MAGI1: variants seen among roughly 807,000 people sequenced by gnomAD.
MAGI1 encodes membrane-associated guanylate kinase, WW and PDZ domain-containing protein 1.
Under a neutral mutation model 139.9 loss-of-function variants are expected in MAGI1, and 58 were observed. The observed-to-expected ratio is 0.41, with a 90% CI of 0.34 to 0.52. MAGI1 has a LOEUF of 0.52. Among genes scored for constraint, MAGI1 ranks in the 20% least tolerant of loss-of-function variants. The probability of loss-of-function intolerance (pLI) is 0.12; values close to 1 mark genes in which losing one functional copy is unlikely to be tolerated. For synonymous variants in MAGI1, 812 were observed against 737.9 expected, an observed-to-expected ratio of 1.10 and a Z score of -1.63; for missense variants, 1,874 against 1,901.6, an observed-to-expected ratio of 0.99 and a Z score of 0.27.
chr3:65,385,494 C>T (rs1013089483), intron 14 of MAGI1, among the ~76,000 whole-genome samples: 1 of 152,110 alleles, frequency 6.6e-6, no homozygotes, highest in Non-Finnish European at 1.5e-5. Context: ...CAGTTTTGTA[C>T]AATGGAATAG....
intron 2 of MAGI1, among the ~76,000 whole-genome samples, chr3:65,569,615 G>T (rs1436580932): frequency 6.6e-6 from 1 of 152,098 alleles, no homozygotes; most frequent in Non-Finnish European, 1.5e-5. Flanking sequence ...GGTGGCTTGT[G>T]CATGTAATCC....
chr3:65,849,006 T>TC (rs1345663032), intron 1 of MAGI1, among the ~76,000 whole-genome samples: 13 of 61,748 alleles, frequency 2.1e-4, no homozygotes, highest in Non-Finnish European at 3.1e-4. Flanking sequence ...GCATTCTTTT[T>TC]TTTTTTTTTT....
intron 6 of MAGI1, among the ~76,000 whole-genome samples, chr3:65,448,856 T>C (rs140685848): frequency 7.2e-5 from 11 of 152,158 alleles, no homozygotes; most frequent in Admixed American, 4.6e-4. Context: ...CATTTTCTTA[T>C]TGTTGAGAAG....
chr3:65,847,529 C>T (rs1320758181), intron 1 of MAGI1, among the ~76,000 whole-genome samples: 1 of 151,966 alleles, frequency 6.6e-6, no homozygotes, highest in African/African-American at 2.4e-5. Flanking sequence ...TATTTTTATC[C>T]ATATGGAGAT....
chr3:65,934,768 G>GTT (rs56950206), intron 1 of MAGI1, among the ~76,000 whole-genome samples: 3 of 142,102 alleles, frequency 2.1e-5, no homozygotes, highest in Middle Eastern at 3.4e-3. Flanking sequence ...AAAAGTTGTT[G>GTT]TTTTTTTTTT....
chr3:65,605,134 T>C (rs541083826), intron 2 of MAGI1, among the ~76,000 whole-genome samples: 2 of 152,202 alleles, frequency 1.3e-5, no homozygotes, highest in Non-Finnish European at 2.9e-5. Flanking sequence ...AGGGATGTCA[T>C]AACGACCCTT....
At chr3:65,776,051 G>A (rs1243637282) in intron 1 of MAGI1, among the ~76,000 whole-genome samples, 2 of 151,836 alleles carry the variant, frequency 1.3e-5, no homozygotes, top group Non-Finnish European at 2.9e-5. Context: ...TACTTAGTGT[G>A]CCCCAAATCT....
At chr3:65,975,694 T>A (rs1188422356) in intron 1 of MAGI1, among the ~76,000 whole-genome samples, 2 of 152,138 alleles carry the variant, frequency 1.3e-5, no homozygotes, top group Non-Finnish European at 2.9e-5. Flanking sequence ...GATTTTTGCA[T>A]CACCAAATCT....
At chr3:65,682,661 A>G (rs962730843) in intron 1 of MAGI1, among the ~76,000 whole-genome samples, 4 of 152,192 alleles carry the variant, frequency 2.6e-5, no homozygotes, top group African/African-American at 9.7e-5. Context: ...CTTAAGAAAA[A>G]AATCTTTAGG....
intron 1 of MAGI1, among the ~76,000 whole-genome samples, chr3:66,006,896 T>G (rs961683239): frequency 6.6e-6 from 1 of 152,254 alleles, no homozygotes; most frequent in Non-Finnish European, 1.5e-5. Context: ...AGTAGCTCAA[T>G]CATAGCTCAC....
chr3:65,844,141 CA>C, intron 1 of MAGI1: 1 of 519,202 alleles, frequency 1.9e-6, no homozygotes, highest in Non-Finnish European at 3.8e-6. Flanking sequence ...GTCGGTGGCC[CA>C]AAAAGAGTGC....
In MAGI1 at chr3:65,440,927, C is replaced by T. The variant is rs552155065; in HGVS notation, c.1137-915G>A. Reference sequence around the variant, plus strand: ...GTGTATATATATATACACACACACACATATACACACACACAAGCATATACG... The same window carrying T: ...GTGTATATATATATACACACACACATATATACACACACACAAGCATATACG... On this transcript the variant is annotated intron_variant, in intron 8 of 22. Coordinates refer to ENST00000402939, the MANE Select transcript of MAGI1 (RefSeq NM_001033057.2). Among the ~76,000 whole-genome samples the T allele has an allele frequency of 5.1e-3, 752 of 147,396 alleles. 9 individuals are homozygous for T. Among genetic ancestry groups the T allele is most frequent in the African/African-American group, 0.019 (700 of 37,772 alleles).
intron 1 of MAGI1, among the ~76,000 whole-genome samples, chr3:65,837,391 T>C (rs1018370227): frequency 6.6e-6 from 1 of 152,186 alleles, no homozygotes; most frequent in Non-Finnish European, 1.5e-5. Flanking sequence ...GGATGGTTGA[T>C]GCCACGACCT....
intron 18 of MAGI1, among the ~76,000 whole-genome samples, chr3:65,374,893 T>C (rs1033115830): frequency 6.6e-6 from 1 of 152,178 alleles, no homozygotes; most frequent in Middle Eastern, 3.2e-3. Flanking sequence ...ATCAAAAATA[T>C]AGAGATTTCA....
intron 1 of MAGI1, among the ~76,000 whole-genome samples, chr3:65,839,336 GATAA>G (rs2058729698): frequency 6.6e-6 from 1 of 152,034 alleles, no homozygotes; most frequent in African/African-American, 2.4e-5. Flanking sequence ...TGATAATTAC[GATAA>G]ATGTTACAGT....
At chr3:65,469,884 G>C (rs1392739130) in intron 5 of MAGI1, 9 of 146,476 alleles carry the variant, frequency 6.1e-5, no homozygotes, top group Admixed American at 6.1e-4. Context: ...AGAAAAAAAA[G>C]CAATATATTT....
chr3:65,596,064 C>G (rs1379752288), intron 2 of MAGI1, among the ~76,000 whole-genome samples: 2 of 152,158 alleles, frequency 1.3e-5, no homozygotes, highest in Non-Finnish European at 2.9e-5. Context: ...AGTTTCAGTG[C>G]AAGTTAAATC....
At chr3:65,422,624 T>A (rs1946707919) in intron 12 of MAGI1, among the ~76,000 whole-genome samples, 1 of 152,140 alleles carries the variant, frequency 6.6e-6, no homozygotes. Flanking sequence ...GATAAAGTAG[T>A]GATTGCAACC....
At chr3:65,453,374 T>TAA in intron 5 of MAGI1, 34 bp from the exon 6 acceptor site, 4 of 1,395,722 alleles carry the variant, frequency 2.9e-6, no homozygotes, top group African/African-American at 1.5e-5. Context: ...GAAATTTGTT[T>TAA]GAAAAAAAAA....
Sources: allele counts gnomAD v4.1 joint callset (sites outside exome capture counted in the v4.1 genomes callset), GRCh38; gene constraint gnomAD v4.1.1; transcripts MANE v1.5; gene names NCBI Gene and HGNC (gene_info 2026-07-23, HGNC 2026-07-21).